PTPN21: variants seen among roughly 807,000 people sequenced by gnomAD.
PTPN21 encodes the protein tyrosine-protein phosphatase non-receptor type 21.
In PTPN21, 77 loss-of-function variants were observed where a neutral mutation model predicts 131.8. That is an observed-to-expected ratio of 0.58 (90% CI 0.49 to 0.71). The LOEUF (loss-of-function observed/expected upper bound fraction) is 0.71, where lower values mean the gene tolerates loss of function less well. PTPN21 is among the 30% of genes least tolerant of loss of function. The pLI is 0.00. For missense variants in PTPN21, 1,552 were observed against 1,527.1 expected, an observed-to-expected ratio of 1.02 and a Z score of -0.27; for synonymous variants, 715 against 621.3, an observed-to-expected ratio of 1.15 and a Z score of -2.24.
chr14:88,516,958 CTT>C, intron 3 of PTPN21, 132 bp downstream of exon 3: 1 of 1,006,824 alleles, frequency 9.9e-7, no homozygotes. Context: ...ATGAGAATCT[CTT>C]TGTAACACCG....
At chr14:88,496,801 T>C (rs1270942402) in intron 9 of PTPN21, among the ~76,000 whole-genome samples, 1 of 152,234 alleles carries the variant, frequency 6.6e-6, no homozygotes, top group African/African-American at 2.4e-5. Flanking sequence ...CAAAGACATT[T>C]TTAAACAAAA....
chr14:88,503,780 C>A (rs1250099136), intron 6 of PTPN21: 3 of 152,148 alleles, frequency 2.0e-5, no homozygotes, highest in East Asian at 1.9e-4. Flanking sequence ...CAGGACTTAA[C>A]CCCATCACAA....
At chr14:88,491,710 C>G (rs2077826659) in intron 10 of PTPN21, among the ~76,000 whole-genome samples, 1 of 152,138 alleles carries the variant, frequency 6.6e-6, no homozygotes, top group Non-Finnish European at 1.5e-5. Flanking sequence ...TAGTTCCCTA[C>G]AGAATGAATC....
chr14:88,472,521 T>C (rs1338703060), intron 14 of PTPN21, 56 bp from the exon 15 acceptor site: 2 of 1,066,506 alleles, frequency 1.9e-6, no homozygotes, highest in Non-Finnish European at 2.8e-6. Flanking sequence ...GTGGCTACCT[T>C]TTGACTGTAT....
chr14:88,474,129 TC>T (rs1320334281), intron 13 of PTPN21, among the ~76,000 whole-genome samples: 8 of 39,376 alleles, frequency 2.0e-4, no homozygotes, highest in Non-Finnish European at 4.5e-4. Context: ...TCAGCTGAAG[TC>T]CAAAAAAAAA....
At chr14:88,531,249 GAC>G (rs2078552032) in intron 2 of PTPN21, among the ~76,000 whole-genome samples, 1 of 152,128 alleles carries the variant, frequency 6.6e-6, no homozygotes, top group Non-Finnish European at 1.5e-5. Flanking sequence ...TGATAATAGT[GAC>G]ACAACCTATA....
chr14:88,549,984 C>T (rs1365530611), intron 2 of PTPN21, among the ~76,000 whole-genome samples: 1 of 152,110 alleles, frequency 6.6e-6, no homozygotes, highest in Admixed American at 6.5e-5. Context: ...TGGGGTTTCA[C>T]CATATTGGCC....
chr14:88,518,386 G>GTGTGTATATATA (rs1259300832), intron 2 of PTPN21, among the ~76,000 whole-genome samples: 4 of 9,704 alleles, frequency 4.1e-4, no homozygotes, highest in African/African-American at 9.7e-4. Context: ...GTGTGTGTGT[G>GTGTGTATATATA]TATATATATA....
rs1658439736 is a variant in PTPN21, at chr14:88,501,152, A to G, written c.675+129T>C. On this transcript the variant is annotated intron_variant, in intron 7 of 18. Transcript: ENST00000556564. ...ACAAAACTTTGGTCACCAGGACCTC[A>G]GCTTTTAAGTTTCCAGAGTTTTGCA... The G allele has an allele frequency of 6.9e-6, 6 of 869,984 alleles. No individual in the cohort carries two copies. The Admixed American group carries it at 1.1e-4, about 16-fold the overall frequency. 53.9% of individuals were successfully genotyped at this position (869,984 alleles called of 1,614,324 possible).
In PTPN21 at chr14:88,469,709, T is replaced by C; in HGVS notation, c.3025A>G (p.Arg1009Gly). 1.2e-6 allele frequency: 2 copies of C among 1,614,208 alleles called. No homozygotes were observed. Among genetic ancestry groups the C allele is most frequent in the Non-Finnish European group, 1.7e-6 (2 of 1,180,032 alleles). ...EEEGGREKSF[R>G]YWPRLGSRHN... Reference sequence around the variant, plus strand: ...CTGGAACCAAGTCGTGGCCAGTACCTAAAGCTCTTCTCCCTTCCACCCTCC... The same window carrying C: ...CTGGAACCAAGTCGTGGCCAGTACCCAAAGCTCTTCTCCCTTCCACCCTCC... Residue 1009 changes from arginine (R) to glycine (G), a missense_variant, in exon 17 of 19, where the codon AGG (arginine) becomes GGG (glycine). By Grantham distance (125) the Arg-to-Gly change is moderately radical (BLOSUM62 -2). Around this residue, in one of 4 missense-constraint regions of PTPN21, gnomAD observed 316 missense variants for 378.5 expected, o/e 0.83. Transcript: ENST00000556564. This position sits in a 1 kb window ranked among gnomAD's most constrained non-coding sequence, Gnocchi z 4.3.
chr14:88,548,920 G>C (rs756701868), intron 2 of PTPN21, among the ~76,000 whole-genome samples: 1 of 152,146 alleles, frequency 6.6e-6, no homozygotes, highest in Non-Finnish European at 1.5e-5. Flanking sequence ...AGACTAGTTA[G>C]CAGAGCTTAC....
intron 2 of PTPN21, among the ~76,000 whole-genome samples, chr14:88,529,442 C>T (rs1310837703): frequency 6.6e-6 from 1 of 151,818 alleles, no homozygotes; most frequent in East Asian, 1.9e-4. Context: ...TGGAACAAAG[C>T]CTCCAAGAAA....
At chr14:88,495,174 T>C (rs2077892084) in intron 10 of PTPN21, among the ~76,000 whole-genome samples, 1 of 152,118 alleles carries the variant, frequency 6.6e-6, no homozygotes, top group Middle Eastern at 3.4e-3. Context: ...TGATGAGAAG[T>C]AGTGGCAGCC....
chr14:88,506,553 G>A (rs539653856), intron 4 of PTPN21, among the ~76,000 whole-genome samples: 7 of 152,184 alleles, frequency 4.6e-5, no homozygotes, highest in African/African-American at 1.7e-4. Flanking sequence ...GCTGGGATTA[G>A]AGGCGTGAGA....
At chr14:88,519,867 A>C (rs1595394664) in intron 2 of PTPN21, among the ~76,000 whole-genome samples, 1 of 152,216 alleles carries the variant, frequency 6.6e-6, no homozygotes, top group East Asian at 1.9e-4. Context: ...TTGTATTCCA[A>C]GAGCTGTAGA....
chr14:88,485,661 A>G, intron 11 of PTPN21, 121 bp downstream of exon 11: 1 of 626,010 alleles, frequency 1.6e-6, no homozygotes, highest in Non-Finnish European at 2.6e-6. Context: ...TTGGTTAAAA[A>G]TGATGAAATA....
chr14:88,501,985 A>G (rs1430749591), intron 6 of PTPN21, among the ~76,000 whole-genome samples: 1 of 152,064 alleles, frequency 6.6e-6, no homozygotes, highest in Admixed American at 6.6e-5. Flanking sequence ...AAAAAAAAAC[A>G]AAAATAAAAA....
chr14:88,551,266 G>A (rs937326530), intron 1 of PTPN21: 1 of 152,232 alleles, frequency 6.6e-6, no homozygotes, highest in African/African-American at 2.4e-5. Flanking sequence ...TGAAAATCCA[G>A]ACCCCGGCCC....
intron 2 of PTPN21, among the ~76,000 whole-genome samples, chr14:88,531,844 AATTG>A (rs1380386494): frequency 6.6e-6 from 1 of 152,136 alleles, no homozygotes; most frequent in African/African-American, 2.4e-5. Context: ...AGGTAAACAA[AATTG>A]ATTGACCATT....
Sources: allele counts gnomAD v4.1 joint callset (sites outside exome capture counted in the v4.1 genomes callset), GRCh38; gene constraint gnomAD v4.1.1; regional missense constraint gnomAD v4.1.1; non-coding constraint Gnocchi (gnomAD v3.1); transcripts MANE v1.5; gene names NCBI Gene and HGNC (gene_info 2026-07-23, HGNC 2026-07-21).